The following BST1 variants were observed in gnomAD, a reference collection of about 807,000 sequenced individuals.
BST1 encodes the protein bone marrow stromal cell antigen 1.
In BST1, 49 loss-of-function variants were observed where a neutral mutation model predicts 40.6. The observed-to-expected ratio is 1.21, with a 90% confidence interval of 0.96 to 1.53. The LOEUF (loss-of-function observed/expected upper bound fraction) is 1.53. Ranked by LOEUF, BST1 falls within the 40% of genes most tolerant of loss-of-function variation. The pLI, the probability that BST1 is intolerant of heterozygous loss-of-function variation, is 0.00. For missense variants in BST1, 423 were observed against 395.9 expected (o/e 1.07, Z -0.58); for synonymous variants, 157 against 159.3 (o/e 0.99, Z 0.11).
chr4:15,737,332 A>G (rs923858962), downstream of BST1, among the ~76,000 whole-genome samples: 3 of 152,190 alleles, frequency 2.0e-5, no homozygotes, highest in Non-Finnish European at 4.4e-5. Flanking sequence ...GCCCCTTTCA[A>G]TCCTCACTCG....
chr4:15,751,397 A>G, the BST1 span, among the ~76,000 whole-genome samples: 1 of 152,290 alleles, frequency 6.6e-6, no homozygotes, highest in Non-Finnish European at 1.5e-5. Flanking sequence ...GTTGACTATT[A>G]CAATTGACTA....
the BST1 span, among the ~76,000 whole-genome samples, chr4:15,747,202 C>T: frequency 0.033 from 5,033 of 152,218 alleles, 279 homozygotes; most frequent in African/African-American, 0.11. Context: ...TCTCTTGCTC[C>T]TGATCACTTT....
intron 7 of BST1, among the ~76,000 whole-genome samples, chr4:15,720,930 T>C (rs997566694): frequency 6.6e-6 from 1 of 152,236 alleles, no homozygotes; most frequent in Non-Finnish European, 1.5e-5. Context: ...TTTTATGTCA[T>C]TGGGCTGAGT....
intron 3 of BST1, among the ~76,000 whole-genome samples, chr4:15,711,583 T>C (rs1720206777): frequency 6.6e-6 from 1 of 152,226 alleles, no homozygotes; most frequent in Admixed American, 6.5e-5. Context: ...CTTCCTCACA[T>C]TTGTGATGAG....
intron 7 of BST1, among the ~76,000 whole-genome samples, chr4:15,721,891 C>G (rs12643475): frequency 0.092 from 13,915 of 152,038 alleles, 697 homozygotes; most frequent in Middle Eastern, 0.11. Flanking sequence ...GCCATAGAGA[C>G]AACAATATCA....
At chr4:15,755,781 CTGAA>C in the BST1 span, among the ~76,000 whole-genome samples, 1 of 151,886 alleles carries the variant, frequency 6.6e-6, no homozygotes, top group South Asian at 2.1e-4. Flanking sequence ...TTTGTGTACT[CTGAA>C]AACCCTATTT....
At chr4:15,715,136 C>A (rs1293345889) in intron 4 of BST1, 149 bp from the exon 5 acceptor site, 1 of 659,624 alleles carries the variant, frequency 1.5e-6, no homozygotes, top group Non-Finnish European at 2.5e-6. Flanking sequence ...CCAAAATAAA[C>A]CAGTTTGCAT....
At chr4:15,743,432 G>C in the BST1 span, 8 of 256,060 alleles carry the variant, frequency 3.1e-5, no homozygotes, top group South Asian at 3.6e-4. Context: ...TCAATCCAAG[G>C]AGGCAGTTCA....
chr4:15,730,957 G>A, intron 8 of BST1: 1 of 353,876 alleles, frequency 2.8e-6, no homozygotes, highest in Non-Finnish European at 4.8e-6. Context: ...TTATTCAAAT[G>A]TGCCTTAATA....
downstream of BST1, among the ~76,000 whole-genome samples, chr4:15,733,827 G>A (rs1721471394): frequency 6.6e-6 from 1 of 152,148 alleles, no homozygotes; most frequent in African/African-American, 2.4e-5. Context: ...CAACACTGGG[G>A]ATCACAATTC....
the BST1 span, among the ~76,000 whole-genome samples, chr4:15,751,362 T>C: frequency 6.6e-6 from 1 of 152,292 alleles, no homozygotes; most frequent in South Asian, 2.1e-4. Context: ...ATGACCACCA[T>C]GGGCCAATGA....
intron 8 of BST1, among the ~76,000 whole-genome samples, chr4:15,724,313 A>G (rs952379158): frequency 6.6e-6 from 1 of 152,256 alleles, no homozygotes. Flanking sequence ...AGAACTAATC[A>G]GAGTGCACAG....
downstream of BST1, chr4:15,736,085 G>A (rs747610120): frequency 6.1e-5 from 78 of 1,288,784 alleles, 1 homozygote; most frequent in Middle Eastern, 6.4e-4. Context: ...TTAGGAGTGC[G>A]ACCCAGAGCA....
chr4:15,757,401 T>G, the BST1 span, among the ~76,000 whole-genome samples: 1 of 152,140 alleles, frequency 6.6e-6, no homozygotes, highest in Non-Finnish European at 1.5e-5. Context: ...TGTATTTTTT[T>G]GGGCCCAAGG....
At chr4:15,710,274 C>CT (rs907231934) in intron 3 of BST1, among the ~76,000 whole-genome samples, 1 of 151,834 alleles carries the variant, frequency 6.6e-6, no homozygotes, top group Non-Finnish European at 1.5e-5. Flanking sequence ...GGCCTTGGTG[C>CT]TTTTTTTAAT....
Position 15,715,300 on chromosome 4 carries a change from T to G in BST1, c.550T>G (p.Ser184Ala), listed in dbSNP as rs141978729. 540 of 1,614,032 alleles carry G rather than the reference T, an allele frequency of 3.3e-4. No homozygotes were observed. Among genetic ancestry groups the G allele is most frequent in the Non-Finnish European group, 4.2e-4 (500 of 1,180,002 alleles). ...CTTCTCGTAGTATTCCAAGGATAGT[T>G]CTGGGGTGATCCACGTCATGCTGAA... is the stretch of plus-strand genomic sequence containing the variant. Reference protein sequence around the residue: ...RASIQYSKDSSGVIHVMLNGS... With the variant: ...RASIQYSKDSAGVIHVMLNGS... Residue 184 changes from serine to alanine, a missense_variant, in exon 5 of 9, where the codon TCT (serine) becomes GCT (alanine). By Grantham distance (99) the Ser-to-Ala change is moderately conservative. Transcript: ENST00000265016.
At chr4:15,705,808 G>C (rs1207486116) in intron 2 of BST1, among the ~76,000 whole-genome samples, 167 bp downstream of exon 2, 1 of 152,204 alleles carries the variant, frequency 6.6e-6, no homozygotes, top group Non-Finnish European at 1.5e-5. Context: ...AGCTAGCTTT[G>C]TTTCTGTATT....
intron 6 of BST1, among the ~76,000 whole-genome samples, chr4:15,716,660 G>C (rs1027320969): frequency 6.6e-6 from 1 of 152,118 alleles, no homozygotes; most frequent in Non-Finnish European, 1.5e-5. Flanking sequence ...ACTTAATTAC[G>C]TAAGTTATAC....
chr4:15,753,045 A>T, the BST1 span, among the ~76,000 whole-genome samples: 3 of 152,192 alleles, frequency 2.0e-5, no homozygotes, highest in Admixed American at 6.5e-5. Flanking sequence ...ATATTTAAAT[A>T]TAAATCACTA....
Sources: gnomAD v4.1 joint callset for allele counts (sites outside exome capture counted in the v4.1 genomes callset) on GRCh38, gnomAD v4.1.1 for gene constraint, MANE v1.5 for transcripts, NCBI Gene and HGNC (gene_info 2026-07-23, HGNC 2026-07-21) for gene names.